Variants in TIMMDC1 observed in about 807,000 individuals in gnomAD.
The protein encoded by TIMMDC1 is translocase of inner mitochondrial membrane domain containing 1.
In TIMMDC1, 25 loss-of-function variants were observed where a neutral mutation model predicts 32.6. The observed-to-expected ratio is 0.77, with a 90% CI of 0.56 to 1.07. The LOEUF (loss-of-function observed/expected upper bound fraction) is 1.07. Ranked by LOEUF, TIMMDC1 falls within the 50% of genes least tolerant of loss-of-function variation. The pLI is 0.00. For synonymous variants in TIMMDC1, 130 were observed against 127.6 expected (o/e 1.02, Z -0.13); for missense variants, 329 against 349.2 (o/e 0.94, Z 0.46).
At chr3:119,516,019 C>T (rs2081983674) in intron 5 of TIMMDC1, among the ~76,000 whole-genome samples, 1 of 152,112 alleles carries the variant, frequency 6.6e-6, no homozygotes, top group Admixed American at 6.6e-5. Flanking sequence ...GCTGCCATTG[C>T]TTTTGTTGTA....
chr3:119,511,594 G>A (rs552507646), intron 4 of TIMMDC1, among the ~76,000 whole-genome samples: 1 of 152,244 alleles, frequency 6.6e-6, no homozygotes, highest in South Asian at 2.1e-4. Context: ...TAGGAAACAG[G>A]AAACACAGTT....
rs1475816539 is a variant in TIMMDC1 at position 119,506,535 on chromosome 3, C to A, written c.517+2514C>A. 2.8e-5 allele frequency among the ~76,000 whole-genome samples: 4 copies of A among 144,434 alleles called. No individual in the cohort carries two copies. The South Asian group carries it at 6.5e-4, about 23-fold the overall frequency. 94.8% of individuals were successfully genotyped at this position (144,434 alleles called of 152,430 possible). On this transcript the variant is annotated intron_variant, in intron 4 of 6. Coordinates refer to ENST00000494664, the MANE Select transcript of TIMMDC1 (RefSeq NM_016589.4). ...CCCTGTCTCAAAAAAAAAAAAAAAA[C>A]TAGAAACCAAGGAATGATATGGTTC...
rs1442419868 is a variant in TIMMDC1, at chr3:119,513,718, G to T, written c.595G>T (p.Gly199Cys). 6.3e-7 allele frequency: 1 copy of T among 1,598,124 alleles called. No individual in the cohort carries two copies. Among genetic ancestry groups the T allele is most frequent in the African/African-American group, 1.4e-5 (1 of 73,856 alleles). Residue 199 changes from glycine to cysteine, a missense_variant and splice_region_variant, in exon 5 of 7, where the codon GGC (glycine) becomes TGC (cysteine). Coordinates refer to ENST00000494664, the MANE Select transcript of TIMMDC1 (RefSeq NM_016589.4). ...VAGGIIGALL[G>C]TPVGGLLMAF... Reference sequence around the variant, plus strand: ...TGGTGGCATAATTGGAGCCTTGCTGGGGTAAGCATTAACATGGTTTGGTTC... The same window carrying T: ...TGGTGGCATAATTGGAGCCTTGCTGTGGTAAGCATTAACATGGTTTGGTTC...
intron 1 of TIMMDC1, 147 bp downstream of exon 1, chr3:119,499,074 C>T (rs1339590277): frequency 4.9e-6 from 3 of 616,284 alleles, no homozygotes; most frequent in Admixed American, 3.3e-5. Flanking sequence ...GTAACCCAAG[C>T]TTGTATCTTT....
chr3:119,504,403 C>T (rs1329739528), intron 4 of TIMMDC1, among the ~76,000 whole-genome samples: 1 of 151,966 alleles, frequency 6.6e-6, no homozygotes, highest in African/African-American at 2.4e-5. Flanking sequence ...GAAGGGTGTC[C>T]TAAATAGAGG....
Position 119,503,913 on chromosome 3 carries a change from GCTTTAAATCTTATATTTTCCTTCTC to G in TIMMDC1, c.450-38_450-14del. ...ACACTCAAGAAGGTAAATGGGATAT[GCTTTAAATCTTATATTTTCCTTCTC>G]CTCCCTTTTTACCAGCACAGTGAAC... On this transcript the variant is annotated splice_polypyrimidine_tract_variant and intron_variant, in intron 3 of 6. Coordinates refer to ENST00000494664, the MANE Select transcript of TIMMDC1 (RefSeq NM_016589.4). 1 of 1,521,380 alleles carries G rather than the reference GCTTTAAATCTTATATTTTCCTTCTC, an allele frequency of 6.6e-7. No homozygotes were observed. The highest frequency in any genetic ancestry group is 9.1e-7 in the Non-Finnish European group (1 of 1,098,944). 94.2% of individuals were successfully genotyped at this position (1,521,380 alleles called of 1,614,324 possible). A position where few individuals can be genotyped will look rare whatever the true frequency, so the allele number is the denominator to read the frequency against.
intron 6 of TIMMDC1, among the ~76,000 whole-genome samples, chr3:119,522,077 A>G (rs900583119): frequency 5.3e-5 from 8 of 152,214 alleles, no homozygotes; most frequent in African/African-American, 7.2e-5. Flanking sequence ...AAAGGAAAAG[A>G]AACCAGCATA....
chr3:119,503,841 G>A (rs2081897912), intron 3 of TIMMDC1, 113 bp from the exon 4 acceptor site: 2 of 944,510 alleles, frequency 2.1e-6, no homozygotes, highest in Middle Eastern at 2.4e-4. Context: ...CTAGGAACAG[G>A]GATTGATATA....
At chr3:119,515,225 AGAG>A (rs2081978223) in intron 5 of TIMMDC1, among the ~76,000 whole-genome samples, 2 of 143,958 alleles carry the variant, frequency 1.4e-5, no homozygotes, top group African/African-American at 5.0e-5. Context: ...AAAAAAAAAA[AGAG>A]GAAAAACTAA....
intron 5 of TIMMDC1, among the ~76,000 whole-genome samples, chr3:119,515,839 C>G (rs1055836449): frequency 2.0e-5 from 3 of 152,180 alleles, no homozygotes; most frequent in Non-Finnish European, 4.4e-5. Context: ...CTAGTTCTGT[C>G]AGTTCTTCTG....
At chr3:119,517,358 C>A in intron 6 of TIMMDC1, 43 bp downstream of exon 6, 1 of 1,322,898 alleles carries the variant, frequency 7.6e-7, no homozygotes, top group South Asian at 1.2e-5. Context: ...CTCTCTTGCC[C>A]CAGGCCTTAT....
intron 1 of TIMMDC1, 116 bp downstream of exon 1, chr3:119,499,043 A>T: frequency 1.4e-6 from 1 of 740,020 alleles, no homozygotes; most frequent in Non-Finnish European, 2.2e-6. Flanking sequence ...TTTTTAGATT[A>T]TATTTGAGGT....
intron 6 of TIMMDC1, among the ~76,000 whole-genome samples, chr3:119,522,814 GT>G (rs1244406144): frequency 8.6e-6 from 1 of 116,040 alleles, no homozygotes; most frequent in Non-Finnish European, 1.6e-5. Flanking sequence ...TTGTGTGTGT[GT>G]GTGTGTGTGT....
rs111926984 is a variant in TIMMDC1 at position 119,524,053 on chromosome 3, C to T, written c.*297C>T. 4 of 204,532 alleles carry T rather than the reference C, an allele frequency of 2.0e-5. No individual in the cohort carries two copies. Among genetic ancestry groups the T allele is most frequent in the South Asian group, 3.5e-4 (2 of 5,780 alleles). 12.7% of individuals were successfully genotyped at this position (204,532 alleles called of 1,614,324 possible). A position where few individuals can be genotyped will look rare whatever the true frequency, so the allele number is the denominator to read the frequency against. On this transcript the variant is annotated 3_prime_UTR_variant, in exon 7 of 7. Coordinates refer to ENST00000494664, the MANE Select transcript of TIMMDC1 (RefSeq NM_016589.4). ...ATTTTAAGCAGTAAATAAAACATTTCGCAAAAGATTAAAGTTGAATTTTAC... is the reference window on the plus strand; with the variant it reads ...ATTTTAAGCAGTAAATAAAACATTTTGCAAAAGATTAAAGTTGAATTTTAC...
At chr3:119,518,362 C>T (rs902166293) in intron 6 of TIMMDC1, among the ~76,000 whole-genome samples, 3 of 151,670 alleles carry the variant, frequency 2.0e-5, no homozygotes, top group Non-Finnish European at 4.4e-5. Flanking sequence ...TCATTTTTTT[C>T]CAGTGTTTTC....
At chr3:119,523,544 T>G (rs2082044768) in intron 6 of TIMMDC1, 62 bp from the exon 7 acceptor site, 3 of 1,466,054 alleles carry the variant, frequency 2.0e-6, no homozygotes, top group South Asian at 3.0e-5. Context: ...CTTTTTGTTT[T>G]AAATCTGTAA....
intron 2 of TIMMDC1, among the ~76,000 whole-genome samples, chr3:119,502,350 C>G (rs2081884313): frequency 2.0e-5 from 3 of 151,896 alleles, no homozygotes; most frequent in Admixed American, 2.0e-4. Context: ...CTGTCTCAGC[C>G]TCCCAAGTAG....
chr3:119,505,586 C>T (rs2081913612), intron 4 of TIMMDC1, among the ~76,000 whole-genome samples: 1 of 152,092 alleles, frequency 6.6e-6, no homozygotes, highest in Admixed American at 6.6e-5. Context: ...AGGCTGGTCT[C>T]GAACTCCCGA....
At chr3:119,518,030 T>C (rs2107734471) in intron 6 of TIMMDC1, among the ~76,000 whole-genome samples, 1 of 151,426 alleles carries the variant, frequency 6.6e-6, no homozygotes, top group Admixed American at 6.6e-5. Flanking sequence ...GCATGTTAAG[T>C]CTCCACAAAA....
Sources: allele counts gnomAD v4.1 joint callset (sites outside exome capture counted in the v4.1 genomes callset), GRCh38; gene constraint gnomAD v4.1.1; transcripts MANE v1.5; gene names NCBI Gene and HGNC (gene_info 2026-07-23, HGNC 2026-07-21).